PPARGC1A: variants seen among roughly 807,000 people sequenced by gnomAD.
PPARGC1A encodes the protein PPARG coactivator 1 alpha.
A neutral mutation model predicts 88.7 loss-of-function variants in PPARGC1A; 25 were observed. The ratio of observed to expected loss-of-function variants is 0.28; its 90% CI spans 0.21 to 0.39. The LOEUF (loss-of-function observed/expected upper bound fraction) is 0.39, where lower values mean the gene tolerates loss of function less well. Among genes scored for constraint, PPARGC1A ranks in the 10% least tolerant of loss-of-function variants. The probability of loss-of-function intolerance (pLI) is 1.00; values close to 1 mark genes in which losing one functional copy is unlikely to be tolerated. For synonymous variants in PPARGC1A, 363 were observed against 355.6 expected (o/e 1.02, Z -0.24); for missense variants, 880 against 968.7 (o/e 0.91, Z 1.22).
At chr4:24,049,168 GAGAA>G in the PPARGC1A span, among the ~76,000 whole-genome samples, 5 of 149,648 alleles carry the variant, frequency 3.3e-5, no homozygotes, top group South Asian at 8.4e-4. Context: ...GTGTAAGAGG[GAGAA>G]AGAGAGAGAC....
chr4:23,921,056 A>T, the PPARGC1A span, among the ~76,000 whole-genome samples: 1 of 151,774 alleles, frequency 6.6e-6, no homozygotes, highest in African/African-American at 2.4e-5. Context: ...CCCCCCACCC[A>T]CTCCTACCAC....
chr4:23,804,734 C>G (rs1719456551), intron 10 of PPARGC1A, among the ~76,000 whole-genome samples: 1 of 152,150 alleles, frequency 6.6e-6, no homozygotes, highest in South Asian at 2.1e-4. Context: ...CTAGTATATA[C>G]TGTGCACCTT....
chr4:23,919,040 A>T, the PPARGC1A span, among the ~76,000 whole-genome samples: 1 of 152,130 alleles, frequency 6.6e-6, no homozygotes. Context: ...TCCTATCCAT[A>T]CTGCACCTTC....
At chr4:24,101,711 C>T in the PPARGC1A span, among the ~76,000 whole-genome samples, 1 of 152,178 alleles carries the variant, frequency 6.6e-6, no homozygotes, top group African/African-American at 2.4e-5. Context: ...CATAGATACA[C>T]CCAGTGCTGT....
At chr4:24,324,604 T>C in the PPARGC1A span, among the ~76,000 whole-genome samples, 1 of 152,316 alleles carries the variant, frequency 6.6e-6, no homozygotes, top group East Asian at 1.9e-4. Flanking sequence ...GCAATGCCGC[T>C]TGACCCCAAT....
chr4:24,278,248 G>A, the PPARGC1A span, among the ~76,000 whole-genome samples: 1 of 152,174 alleles, frequency 6.6e-6, no homozygotes, highest in Non-Finnish European at 1.5e-5. Flanking sequence ...CGTGGCTTCT[G>A]TGAGATTAAA....
chr4:24,257,902 C>T, the PPARGC1A span, among the ~76,000 whole-genome samples: 1 of 151,832 alleles, frequency 6.6e-6, no homozygotes, highest in Non-Finnish European at 1.5e-5. Flanking sequence ...TATTTATATC[C>T]ATGGTTCATA....
At chr4:24,004,240 C>G in the PPARGC1A span, among the ~76,000 whole-genome samples, 15 of 152,154 alleles carry the variant, frequency 9.9e-5, no homozygotes, top group Non-Finnish European at 1.8e-4. Flanking sequence ...ATTCTGCCAC[C>G]TAAGCTTTCC....
the PPARGC1A span, among the ~76,000 whole-genome samples, chr4:24,385,763 C>G: frequency 1.3e-5 from 2 of 151,862 alleles, no homozygotes; most frequent in Non-Finnish European, 2.9e-5. Flanking sequence ...GCCTACCAAC[C>G]AAAAAAAGCC....
At chr4:24,121,259 G>C in the PPARGC1A span, among the ~76,000 whole-genome samples, 1 of 152,152 alleles carries the variant, frequency 6.6e-6, no homozygotes, top group East Asian at 1.9e-4. Flanking sequence ...GAGAACACAG[G>C]CTCCCAGCTA....
At chr4:24,210,089 A>C in the PPARGC1A span, among the ~76,000 whole-genome samples, 41 of 152,170 alleles carry the variant, frequency 2.7e-4, 1 homozygote, top group East Asian at 7.7e-3. Flanking sequence ...ATAAATGCTC[A>C]CCTCCTTCAC....
At chr4:24,398,070 C>A in the PPARGC1A span, among the ~76,000 whole-genome samples, 2 of 152,194 alleles carry the variant, frequency 1.3e-5, no homozygotes, top group African/African-American at 2.4e-5. Flanking sequence ...TGTCAAGATG[C>A]TCTTTGCAGA....
the PPARGC1A span, among the ~76,000 whole-genome samples, chr4:24,029,371 T>A: frequency 2.0e-5 from 3 of 152,214 alleles, no homozygotes; most frequent in Admixed American, 6.5e-5. Context: ...TCCCTATAAA[T>A]CTTCTCACTT....
intron 2 of PPARGC1A, among the ~76,000 whole-genome samples, chr4:23,852,709 C>T (rs761442942): frequency 6.6e-6 from 1 of 152,222 alleles, no homozygotes; most frequent in Non-Finnish European, 1.5e-5. Context: ...GTTAAGCACA[C>T]CAACATAACT....
At chr4:24,017,194 T>A in the PPARGC1A span, among the ~76,000 whole-genome samples, 1 of 152,162 alleles carries the variant, frequency 6.6e-6, no homozygotes, top group Non-Finnish European at 1.5e-5. Context: ...CAATGCATTA[T>A]GTAAAATTTT....
chr4:24,051,258 C>T, the PPARGC1A span, among the ~76,000 whole-genome samples: 1 of 148,402 alleles, frequency 6.7e-6, no homozygotes, highest in South Asian at 2.1e-4. Context: ...GCATGGGAAC[C>T]ATACTGACAA....
At chr4:24,154,635 C>T in the PPARGC1A span, among the ~76,000 whole-genome samples, 127 of 152,238 alleles carry the variant, frequency 8.3e-4, no homozygotes, top group African/African-American at 2.9e-3. Context: ...GTCCCGTTCC[C>T]TTCTCAGGCA....
At chr4:24,327,310 G>C in the PPARGC1A span, among the ~76,000 whole-genome samples, 656 of 152,246 alleles carry the variant, frequency 4.3e-3, 6 homozygotes, top group African/African-American at 0.015. Flanking sequence ...CCTATTCACT[G>C]TTCTCAACTA....
At chr4:23,986,214 T>C in the PPARGC1A span, among the ~76,000 whole-genome samples, 1 of 152,006 alleles carries the variant, frequency 6.6e-6, no homozygotes, top group Admixed American at 6.6e-5. Context: ...ACAGTATTAA[T>C]TGAAATGCCT....
Sources: allele counts gnomAD v4.1 joint callset (sites outside exome capture counted in the v4.1 genomes callset), GRCh38; gene constraint gnomAD v4.1.1; transcripts MANE v1.5; gene names NCBI Gene and HGNC (gene_info 2026-07-23, HGNC 2026-07-21).